Variants in OR3A2 observed in about 807,000 individuals in gnomAD.
The protein encoded by OR3A2 is olfactory receptor 3A2.
For synonymous variants in OR3A2, 126 were observed against 159.3 expected, an observed-to-expected ratio of 0.79 and a Z score of 1.57; for missense variants, 318 against 392.8, an observed-to-expected ratio of 0.81 and a Z score of 1.61.
intron 3 of OR3A2, among the ~76,000 whole-genome samples, chr17:3,304,285 G>A (rs559235313): frequency 5.3e-5 from 8 of 152,248 alleles, no homozygotes; most frequent in African/African-American, 1.9e-4. Context: ...GACCGGCGAA[G>A]ACCCACCTGC....
intron 3 of OR3A2, among the ~76,000 whole-genome samples, chr17:3,324,533 T>C (rs567356263): frequency 1.3e-5 from 2 of 152,174 alleles, no homozygotes; most frequent in Admixed American, 1.3e-4. Context: ...ACAGATGGGT[T>C]TTTGGTGCGG....
intron 3 of OR3A2, among the ~76,000 whole-genome samples, chr17:3,325,497 AC>A (rs1404109967): frequency 2.6e-5 from 4 of 151,944 alleles, no homozygotes; most frequent in Non-Finnish European, 5.9e-5. Flanking sequence ...GGAGTGAGCC[AC>A]CCCACCCTGC....
intron 3 of OR3A2, among the ~76,000 whole-genome samples, chr17:3,323,750 T>C (rs1327842420): frequency 1.3e-5 from 2 of 152,114 alleles, no homozygotes; most frequent in Non-Finnish European, 2.9e-5. Flanking sequence ...TGGGCTTCCC[T>C]TTGTGGGTAA....
At chr17:3,292,352 G>A (rs1465809191) in intron 3 of OR3A2, 1 of 1,614,130 alleles carries the variant, frequency 6.2e-7, no homozygotes. Flanking sequence ...CAGTGACGCT[G>A]ATGCACCCAA....
intron 2 of OR3A2, among the ~76,000 whole-genome samples, chr17:3,348,461 G>A (rs563440454): frequency 3.3e-5 from 5 of 152,068 alleles, no homozygotes; most frequent in Admixed American, 6.6e-5. Context: ...GAAATGAAGC[G>A]AGAAGGGAAG....
intron 2 of OR3A2, among the ~76,000 whole-genome samples, chr17:3,362,599 C>G (rs1351657717): frequency 4.6e-5 from 7 of 151,748 alleles, no homozygotes; most frequent in Admixed American, 1.3e-4. Context: ...ATGTGTACCA[C>G]AGATTCTGGT....
At chr17:3,306,816 C>G (rs570066483) in intron 3 of OR3A2, among the ~76,000 whole-genome samples, 26 of 104,638 alleles carry the variant, frequency 2.5e-4, no homozygotes, top group Non-Finnish European at 9.0e-5. Context: ...AAATAGAAAA[C>G]AAAAACCACT....
intron 3 of OR3A2, among the ~76,000 whole-genome samples, chr17:3,324,092 C>T (rs2049150138): frequency 6.6e-6 from 1 of 152,008 alleles, no homozygotes; most frequent in African/African-American, 2.4e-5. Flanking sequence ...TCTCTTCTCC[C>T]TTCCTTTCAT....
In OR3A2 at chr17:3,320,842, G is replaced by A. The variant is rs566674235; in HGVS notation, c.-85+15191C>T. Among the ~76,000 whole-genome samples, 6 of 152,134 alleles carry A rather than the reference G, an allele frequency of 3.9e-5. No individual in the cohort carries two copies. In the East Asian group the frequency reaches 1.2e-3, roughly 29 times the overall value. Reference sequence around the variant, plus strand: ...CCTCCAGCTTTGTTCTTTTGGCTTAGGATTGACTTGGCGGTGCGGGCTCTT... The same window carrying A: ...CCTCCAGCTTTGTTCTTTTGGCTTAAGATTGACTTGGCGGTGCGGGCTCTT... On this transcript the variant is annotated intron_variant, in intron 3 of 4. Coordinates refer to the OR3A2 transcript ENST00000573491.
intron 2 of OR3A2, among the ~76,000 whole-genome samples, chr17:3,363,261 G>A (rs1293229541): frequency 6.6e-6 from 1 of 151,724 alleles, no homozygotes; most frequent in Non-Finnish European, 1.5e-5. Flanking sequence ...ATGCATATGA[G>A]TATACACTTT....
At chr17:3,290,873 T>C (rs2048859153) in intron 3 of OR3A2, 1 of 152,370 alleles carries the variant, frequency 6.6e-6, no homozygotes, top group Middle Eastern at 3.4e-3. Flanking sequence ...TTCTGAAATA[T>C]GTAAATAATG....
intron 3 of OR3A2, among the ~76,000 whole-genome samples, chr17:3,328,485 C>G (rs1361726968): frequency 7.4e-6 from 1 of 135,630 alleles, no homozygotes; most frequent in African/African-American, 3.0e-5. Flanking sequence ...TCTAGATATA[C>G]AATGATGTTG....
At chr17:3,354,469 G>A in intron 2 of OR3A2, among the ~76,000 whole-genome samples, 1 of 150,892 alleles carries the variant, frequency 6.6e-6, no homozygotes, top group Non-Finnish European at 1.5e-5. Flanking sequence ...TATTATTATT[G>A]GTCTATTTGT....
intron 2 of OR3A2, among the ~76,000 whole-genome samples, chr17:3,371,919 G>A (rs1167543552): frequency 2.0e-5 from 3 of 147,518 alleles, no homozygotes; most frequent in African/African-American, 2.5e-5. Flanking sequence ...CTGGCCGGGC[G>A]GGGGCTGACC....
At chr17:3,324,104 C>T (rs2049150212) in intron 3 of OR3A2, among the ~76,000 whole-genome samples, 1 of 152,040 alleles carries the variant, frequency 6.6e-6, no homozygotes, top group Non-Finnish European at 1.5e-5. Flanking sequence ...TCCTTTCATT[C>T]ATTTCATCTT....
At chr17:3,350,764 C>T (rs1261224800) in intron 2 of OR3A2, among the ~76,000 whole-genome samples, 9 of 150,746 alleles carry the variant, frequency 6.0e-5, no homozygotes, top group Admixed American at 2.0e-4. Context: ...CCTTGATGAA[C>T]ATTGATGCAA....
intron 2 of OR3A2, among the ~76,000 whole-genome samples, chr17:3,347,429 G>T (rs1002737945): frequency 2.9e-4 from 44 of 151,924 alleles, no homozygotes; most frequent in African/African-American, 1.1e-3. Flanking sequence ...AGAGTGTGAT[G>T]TTCCCCTTCC....
chr17:3,354,951 T>A (rs2049452714), intron 2 of OR3A2, among the ~76,000 whole-genome samples: 5 of 151,408 alleles, frequency 3.3e-5, no homozygotes, highest in African/African-American at 1.2e-4. Context: ...TTTTGGTATG[T>A]TGTGTTTGCA....
chr17:3,285,543 C>G (rs137966240), upstream of OR3A2, among the ~76,000 whole-genome samples: 544 of 152,280 alleles, frequency 3.6e-3, 3 homozygotes, highest in Middle Eastern at 0.01. Context: ...AATCTTAGCA[C>G]TCTGGGAGGC....
Sources: gnomAD v4.1 joint callset for allele counts (sites outside exome capture counted in the v4.1 genomes callset) on GRCh38, gnomAD v4.1.1 for gene constraint, MANE v1.5 for transcripts, NCBI Gene and HGNC (gene_info 2026-07-23, HGNC 2026-07-21) for gene names.